The following RBFOX1 variants were observed in gnomAD, a reference collection of about 807,000 sequenced individuals.
RBFOX1 encodes RNA binding protein fox-1 homolog 1.
A neutral mutation model predicts 57.7 loss-of-function variants in RBFOX1; 8 were observed. The ratio of observed to expected loss-of-function variants is 0.14; its 90% confidence interval spans 0.08 to 0.25. The LOEUF is 0.25. RBFOX1 is among the 10% of genes least tolerant of loss of function. The pLI is 1.00. For synonymous variants in RBFOX1, 326 were observed against 222.4 expected (o/e 1.47, Z -4.15); for missense variants, 611 against 548.5 (o/e 1.11, Z -1.14).
chr16:5,632,214 A>T (rs370041291), intron 3 of RBFOX1, among the ~76,000 whole-genome samples: 1 of 152,216 alleles, frequency 6.6e-6, no homozygotes, highest in Admixed American at 6.5e-5. Flanking sequence ...ATTATTCTGT[A>T]TTAGAGACGA....
intron 3 of RBFOX1, among the ~76,000 whole-genome samples, chr16:6,739,841 C>T (rs2071522081): frequency 6.6e-6 from 1 of 152,134 alleles, no homozygotes; most frequent in African/African-American, 2.4e-5. Context: ...TGCACCACTT[C>T]ACTCCAGCCT....
At chr16:6,289,380 G>A (rs2077227605) in intron 1 of RBFOX1, among the ~76,000 whole-genome samples, 1 of 152,080 alleles carries the variant, frequency 6.6e-6, no homozygotes, top group Non-Finnish European at 1.5e-5. Context: ...TCCCAAAAGT[G>A]TACCCTTTGC....
chr16:7,427,958 G>C (rs2098638121), intron 4 of RBFOX1, among the ~76,000 whole-genome samples: 1 of 152,132 alleles, frequency 6.6e-6, no homozygotes, highest in African/African-American at 2.4e-5. Context: ...GCTGTTTCTT[G>C]AACATACTCC....
At chr16:6,060,574 T>C (rs1437571929) in intron 1 of RBFOX1, among the ~76,000 whole-genome samples, 2 of 152,222 alleles carry the variant, frequency 1.3e-5, no homozygotes, top group Non-Finnish European at 2.9e-5. Context: ...TGATGCTTGC[T>C]TCATGCTTTG....
intron 14 of RBFOX1, among the ~76,000 whole-genome samples, chr16:7,696,815 G>C (rs760437213): frequency 1.3e-5 from 2 of 152,168 alleles, no homozygotes; most frequent in Non-Finnish European, 2.9e-5. Flanking sequence ...AGGCCTGTCT[G>C]AGGGGGTAAC....
chr16:6,642,186 C>T (rs1000338831), intron 2 of RBFOX1, among the ~76,000 whole-genome samples: 1 of 152,204 alleles, frequency 6.6e-6, no homozygotes, highest in African/African-American at 2.4e-5. Flanking sequence ...CTCGTACTTT[C>T]TCTTCGGTGC....
At chr16:5,411,459 G>T (rs1185273819) in intron 1 of RBFOX1, among the ~76,000 whole-genome samples, 1 of 152,196 alleles carries the variant, frequency 6.6e-6, no homozygotes, top group South Asian at 2.1e-4. Context: ...CTCCACTAGA[G>T]CATCCAGGAG....
At chr16:5,586,346 C>T (rs897418540) in intron 2 of RBFOX1, among the ~76,000 whole-genome samples, 3 of 152,138 alleles carry the variant, frequency 2.0e-5, no homozygotes, top group African/African-American at 2.4e-5. Context: ...TTTTAAAGCT[C>T]GCTGGGTGAT....
intron 4 of RBFOX1, among the ~76,000 whole-genome samples, chr16:7,452,051 A>G (rs1181292132): frequency 6.6e-6 from 1 of 152,254 alleles, no homozygotes; most frequent in East Asian, 1.9e-4. Context: ...TCATTCAAAA[A>G]TGGCTACAAA....
intron 12 of RBFOX1, among the ~76,000 whole-genome samples, chr16:7,660,453 C>T (rs1274973458): frequency 6.6e-6 from 1 of 152,192 alleles, no homozygotes; most frequent in East Asian, 1.9e-4. Flanking sequence ...CCCTGTGCCT[C>T]TTTCCCTGCA....
chr16:7,440,975 G>A (rs2098761474), intron 4 of RBFOX1, among the ~76,000 whole-genome samples: 1 of 152,094 alleles, frequency 6.6e-6, no homozygotes, highest in Admixed American at 6.5e-5. Context: ...CCCAGAGTTT[G>A]ACGTTGCGCT....
At chr16:5,746,079 A>G (rs1567482426) in intron 3 of RBFOX1, among the ~76,000 whole-genome samples, 1 of 152,192 alleles carries the variant, frequency 6.6e-6, no homozygotes, top group East Asian at 1.9e-4. Flanking sequence ...TAGGTCTAAC[A>G]TTTAAGTCTT....
intron 4 of RBFOX1, among the ~76,000 whole-genome samples, chr16:7,077,494 T>A (rs1467218668): frequency 1.3e-5 from 2 of 152,194 alleles, no homozygotes; most frequent in Non-Finnish European, 2.9e-5. Flanking sequence ...AGTAAGATCA[T>A]AAACATGGAC....
chr16:6,871,679 A>T (rs1375000584), intron 3 of RBFOX1, among the ~76,000 whole-genome samples: 1 of 151,132 alleles, frequency 6.6e-6, no homozygotes, highest in Non-Finnish European at 1.5e-5. Flanking sequence ...TTCTTCCTCC[A>T]CTCTTGTCCC....
chr16:6,563,149 G>T (rs976474247), intron 2 of RBFOX1, among the ~76,000 whole-genome samples: 1 of 152,026 alleles, frequency 6.6e-6, no homozygotes, highest in African/African-American at 2.4e-5. Flanking sequence ...TACTCAGGTG[G>T]TTCCTGTGTT....
In RBFOX1 at chr16:6,871,962, T is replaced by TG. The variant is rs2060982913; in HGVS notation, c.-15-180095_-15-180094insG. Among the ~76,000 whole-genome samples, 73 of 144,716 alleles carry TG rather than the reference T, an allele frequency of 5.0e-4. 2 individuals carry two copies. The South Asian group carries it at 0.014, about 28-fold the overall frequency. 94.9% of individuals were successfully genotyped at this position (144,716 alleles called of 152,430 possible). A position where few individuals can be genotyped will look rare whatever the true frequency, so the allele number is the denominator to read the frequency against. On this transcript the variant is annotated intron_variant, in intron 3 of 15. Coordinates refer to ENST00000550418, the MANE Select transcript of RBFOX1 (RefSeq NM_018723.4). ...GTGTGTGTGTGTGTGTGTGTGTGTG[T>TG]TTCCCTCGGTAGAGTATGGGGATCT... is the stretch of plus-strand genomic sequence containing the variant.
At chr16:7,607,151 G>A (rs2095313147) in intron 9 of RBFOX1, 134 bp from the exon 10 acceptor site, 1 of 698,988 alleles carries the variant, frequency 1.4e-6, no homozygotes, top group South Asian at 2.5e-5. Context: ...TTTTATGCAT[G>A]CCCAAACGAC....
At chr16:6,377,055 T>C (rs1168586193) in intron 2 of RBFOX1, among the ~76,000 whole-genome samples, 1 of 151,960 alleles carries the variant, frequency 6.6e-6, no homozygotes, top group East Asian at 1.9e-4. Context: ...GTGGATCACT[T>C]TGAACTCAGG....
intron 3 of RBFOX1, among the ~76,000 whole-genome samples, chr16:5,639,118 GT>G (rs917422023): frequency 6.6e-6 from 1 of 152,146 alleles, no homozygotes; most frequent in African/African-American, 2.4e-5. Flanking sequence ...TAGAGACTAG[GT>G]TCTTTTGCTC....
Sources: gnomAD v4.1 joint callset for allele counts (sites outside exome capture counted in the v4.1 genomes callset) on GRCh38, gnomAD v4.1.1 for gene constraint, MANE v1.5 for transcripts, NCBI Gene and HGNC (gene_info 2026-07-23, HGNC 2026-07-21) for gene names.